The following AKIRIN2 variants were observed in gnomAD, a reference collection of about 807,000 sequenced individuals.
The protein encoded by AKIRIN2 is akirin 2.
In AKIRIN2, 6 loss-of-function variants were observed where a neutral mutation model predicts 29.3. The observed-to-expected ratio is 0.20, with a 90% CI of 0.11 to 0.40. The LOEUF is 0.40. Among genes scored for constraint, AKIRIN2 ranks in the 10% least tolerant of loss-of-function variants. AKIRIN2 has a pLI of 1.00. For synonymous variants in AKIRIN2, 128 were observed against 117.5 expected (o/e 1.09, Z -0.58); for missense variants, 210 against 276.1 (o/e 0.76, Z 1.70).
rs963978263 is a variant in AKIRIN2, at chr6:87,701,746, G to C, written c.-62C>G. On this transcript the variant is annotated 5_prime_UTR_variant, in exon 1 of 5. Coordinates refer to ENST00000257787, the MANE Select transcript of AKIRIN2 (RefSeq NM_018064.4). Reference sequence around the variant, plus strand: ...TCGGGGACGGGTGACGAAAGAAGAGGGTGAGGGAAGGGGTGAAGAGCGGGA... The same window carrying C: ...TCGGGGACGGGTGACGAAAGAAGAGCGTGAGGGAAGGGGTGAAGAGCGGGA... The C allele has an allele frequency of 9.1e-6, 11 of 1,213,076 alleles. No homozygotes were observed. Among genetic ancestry groups the C allele is most frequent in the Non-Finnish European group, 1.2e-5 (11 of 912,848 alleles). 75.1% of individuals were successfully genotyped at this position (1,213,076 alleles called of 1,614,324 possible). A position where few individuals can be genotyped will look rare whatever the true frequency, so the allele number is the denominator to read the frequency against.
At chr6:87,691,941 T>C (rs938612801) in intron 1 of AKIRIN2, among the ~76,000 whole-genome samples, 1 of 152,208 alleles carries the variant, frequency 6.6e-6, no homozygotes. Context: ...TGAGTATGTT[T>C]TGTTCTTTTA....
intron 1 of AKIRIN2, among the ~76,000 whole-genome samples, chr6:87,696,879 G>A (rs533939864): frequency 2.6e-5 from 4 of 151,398 alleles, no homozygotes; most frequent in Admixed American, 1.3e-4. Flanking sequence ...GGTGGTGTGC[G>A]CCTGTAATCC....
chr6:87,697,358 T>C (rs1771387870), intron 1 of AKIRIN2, among the ~76,000 whole-genome samples: 1 of 151,874 alleles, frequency 6.6e-6, no homozygotes, highest in African/African-American at 2.4e-5. Flanking sequence ...ACTGCAGTTT[T>C]TAATGGCCAT....
chr6:87,678,967 C>T (rs1247763336), intron 2 of AKIRIN2, among the ~76,000 whole-genome samples: 1 of 151,942 alleles, frequency 6.6e-6, no homozygotes, highest in Non-Finnish European at 1.5e-5. Flanking sequence ...GAAACTTAGT[C>T]TCTACTAAAA....
Position 87,681,290 on chromosome 6 carries a change from G to A in AKIRIN2, c.379+330C>T, listed in dbSNP as rs77185102. Reference sequence around the variant, plus strand: ...TGACCTCAAGTGACCTGTCTACCTCGCTCGGCCTCCCCAAGTGCTGGGATT... The same window carrying A: ...TGACCTCAAGTGACCTGTCTACCTCACTCGGCCTCCCCAAGTGCTGGGATT... On this transcript the variant is annotated intron_variant, in intron 2 of 4. Coordinates refer to ENST00000257787, the MANE Select transcript of AKIRIN2 (RefSeq NM_018064.4). 1.5e-3 allele frequency among the ~76,000 whole-genome samples: 224 copies of A among 152,094 alleles called. 1 individual carries two copies. The East Asian group carries it at 0.032, about 22-fold the overall frequency.
intron 1 of AKIRIN2, among the ~76,000 whole-genome samples, chr6:87,685,174 G>A (rs1267072045): frequency 6.6e-6 from 1 of 152,180 alleles, no homozygotes; most frequent in South Asian, 2.1e-4. Context: ...GATCAACAAT[G>A]TTATGCAGTG....
At position 87,675,070 on chromosome 6, in the gene AKIRIN2, T is replaced by G. The variant is rs1459978842; in HGVS notation, c.*527A>C. ...AATAAAACTACAAAAAAAAAAAAAA[T>G]CATACAAACCCATTCTGAAACCCCA... On this transcript the variant is annotated 3_prime_UTR_variant, in exon 5 of 5. Coordinates refer to ENST00000257787, the MANE Select transcript of AKIRIN2 (RefSeq NM_018064.4). The G allele has an allele frequency of 7.1e-6, 1 of 140,052 alleles. No homozygotes were observed. The highest frequency in any genetic ancestry group is 1.5e-5 in the Non-Finnish European group (1 of 65,292). The allele number at this position is 140,052 out of a possible 1,614,324, so 8.7% of individuals were successfully genotyped here.
rs538809228 is a variant in AKIRIN2, at chr6:87,683,947, C to G, written c.236-2184G>C. On this transcript the variant is annotated intron_variant, in intron 1 of 4. Transcript: ENST00000257787. ...GATTATAAGTGTGAGCCACCGTGCC[C>G]AGCCATTCTATTTTGCTGAGAGAGA... Among the ~76,000 whole-genome samples the G allele has an allele frequency of 4.6e-5, 7 of 152,274 alleles. No homozygotes were observed. The South Asian group carries it at 1.5e-3, about 32-fold the overall frequency.
chr6:87,694,002 AGGGGG>A, intron 1 of AKIRIN2, among the ~76,000 whole-genome samples: 1 of 152,340 alleles, frequency 6.6e-6, no homozygotes, highest in Admixed American at 6.5e-5. Context: ...GGCACAGTTC[AGGGGG>A]ACAGTAATGT....
rs533896206 is a variant in AKIRIN2 at position 87,690,328 on chromosome 6, G to C, written c.236-8565C>G. ...AAGGAAAGCAAGACATTAGCAGCAAGGTTATTACAAGTAGGAAAATACCTA... is the reference window on the plus strand; with the variant it reads ...AAGGAAAGCAAGACATTAGCAGCAACGTTATTACAAGTAGGAAAATACCTA... On this transcript the variant is annotated intron_variant, in intron 1 of 4. Coordinates refer to ENST00000257787, the MANE Select transcript of AKIRIN2 (RefSeq NM_018064.4). Among the ~76,000 whole-genome samples, 5 of 152,116 alleles carry C rather than the reference G, an allele frequency of 3.3e-5. No homozygotes were observed. In the East Asian group the frequency reaches 7.7e-4, roughly 24 times the overall value.
chr6:87,680,818 C>T (rs866552150), intron 2 of AKIRIN2, among the ~76,000 whole-genome samples: 34 of 145,388 alleles, frequency 2.3e-4, no homozygotes, highest in African/African-American at 8.4e-4. Flanking sequence ...CAAACATTCC[C>T]CCCAACAAAA....
At chr6:87,695,126 G>A (rs1386176754) in intron 1 of AKIRIN2, among the ~76,000 whole-genome samples, 2 of 152,056 alleles carry the variant, frequency 1.3e-5, no homozygotes, top group African/African-American at 2.4e-5. Context: ...GCAAATACCT[G>A]ATAATAGAAA....
At chr6:87,681,599 A>C in intron 2 of AKIRIN2, 21 bp downstream of exon 2, 1 of 1,590,010 alleles carries the variant, frequency 6.3e-7, no homozygotes, top group South Asian at 1.2e-5. Context: ...AAACTTTGTA[A>C]ATGACAAGAA....
chr6:87,676,546 G>C (rs1326893077), intron 3 of AKIRIN2, among the ~76,000 whole-genome samples: 2 of 148,854 alleles, frequency 1.3e-5, no homozygotes, highest in Non-Finnish European at 3.0e-5. Context: ...CATGAGGTCA[G>C]AAGATCAAAG....
intron 1 of AKIRIN2, among the ~76,000 whole-genome samples, chr6:87,682,487 G>A (rs995519753): frequency 5.3e-5 from 8 of 151,958 alleles, no homozygotes; most frequent in African/African-American, 1.7e-4. Flanking sequence ...ATTATATCTG[G>A]CACATCCTTT....
intron 1 of AKIRIN2, among the ~76,000 whole-genome samples, chr6:87,698,359 C>T (rs1266541705): frequency 7.0e-6 from 1 of 142,980 alleles, no homozygotes; most frequent in African/African-American, 2.7e-5. Flanking sequence ...TCGTCACCTG[C>T]AATGAACAAT....
At position 87,701,283 on chromosome 6, in the gene AKIRIN2, G is replaced by A. The variant is rs539948015; in HGVS notation, c.235+167C>T. Among the ~76,000 whole-genome samples the A allele has an allele frequency of 2.3e-3, 357 of 151,988 alleles. 1 individual carries two copies. The highest frequency in any genetic ancestry group is 4.0e-3 in the Non-Finnish European group (273 of 67,972). On this transcript the variant is annotated intron_variant, in intron 1 of 4. Coordinates refer to ENST00000257787, the MANE Select transcript of AKIRIN2 (RefSeq NM_018064.4). ...GCCCATTTCTATTGTGTCTTATTAG[G>A]TCCTCGGGCTACGAGGACCTAGTGA...
intron 1 of AKIRIN2, among the ~76,000 whole-genome samples, chr6:87,698,173 G>A (rs1257977152): frequency 6.6e-6 from 1 of 152,046 alleles, no homozygotes; most frequent in Non-Finnish European, 1.5e-5. Context: ...CAATGCTTCT[G>A]CTCCCCCTCC....
chr6:87,696,963 G>A (rs902444500), intron 1 of AKIRIN2, among the ~76,000 whole-genome samples: 4 of 151,824 alleles, frequency 2.6e-5, no homozygotes, highest in East Asian at 1.9e-4. Flanking sequence ...CTGAGATTGC[G>A]CCACTGCACT....
Sources: allele counts gnomAD v4.1 joint callset (sites outside exome capture counted in the v4.1 genomes callset), GRCh38; gene constraint gnomAD v4.1.1; transcripts MANE v1.5; gene names NCBI Gene and HGNC (gene_info 2026-07-23, HGNC 2026-07-21).